The following CTDP1 variants were observed in gnomAD, a reference collection of about 807,000 sequenced individuals.
CTDP1 encodes the protein RNA polymerase II subunit A C-terminal domain phosphatase.
CTDP1 carries 47 observed loss-of-function variants against 91.8 expected under a neutral mutation model. The ratio of observed to expected loss-of-function variants is 0.51; its 90% CI spans 0.41 to 0.65. The LOEUF (loss-of-function observed/expected upper bound fraction) is 0.65. Ranked by LOEUF, CTDP1 falls within the 30% of genes least tolerant of loss-of-function variation. CTDP1 has a pLI of 0.00. For synonymous variants in CTDP1, 656 were observed against 598.5 expected (o/e 1.10, Z -1.40); for missense variants, 1,272 against 1,373.7 (o/e 0.93, Z 1.17).
chr18:79,686,984 G>C (rs2085510267), intron 1 of CTDP1, among the ~76,000 whole-genome samples: 1 of 138,816 alleles, frequency 7.2e-6, no homozygotes, highest in Non-Finnish European at 1.6e-5. Flanking sequence ...CAGTTCACTG[G>C]TGGGCCTGCA....
At chr18:79,751,973 AG>A (rs1480401200) in intron 12 of CTDP1, among the ~76,000 whole-genome samples, 4 of 152,258 alleles carry the variant, frequency 2.6e-5, no homozygotes, top group African/African-American at 4.8e-5. Flanking sequence ...AAATCAAAAC[AG>A]GCTGTGCACA....
At chr18:79,740,494 G>C (rs2086754386) in intron 12 of CTDP1, among the ~76,000 whole-genome samples, 2 of 152,214 alleles carry the variant, frequency 1.3e-5, no homozygotes, top group African/African-American at 4.8e-5. Flanking sequence ...ATTTTTGCTT[G>C]TAACGAAGTA....
chr18:79,705,762 C>G (rs1449863168), intron 5 of CTDP1, among the ~76,000 whole-genome samples: 1 of 152,212 alleles, frequency 6.6e-6, no homozygotes, highest in Non-Finnish European at 1.5e-5. Flanking sequence ...CTAGATTGGT[C>G]TTAGTCTTTT....
chr18:79,733,099 T>C (rs1276042293), intron 11 of CTDP1, among the ~76,000 whole-genome samples: 1 of 152,190 alleles, frequency 6.6e-6, no homozygotes, highest in Non-Finnish European at 1.5e-5. Context: ...TAGCACTCAG[T>C]CCTCGTGCTG....
chr18:79,721,752 CA>C (rs954700834), intron 10 of CTDP1, among the ~76,000 whole-genome samples: 5 of 150,694 alleles, frequency 3.3e-5, no homozygotes, highest in Admixed American at 6.6e-5. Flanking sequence ...GAGCCTGTCT[CA>C]AAAAAAAATT....
Position 79,717,582 on chromosome 18 carries a change from G to C in CTDP1, c.2116G>C (p.Val706Leu). The change falls in exon 9 of 13, where the codon GTC becomes CTC. Residue 706 changes from valine (V) to leucine (L), a missense_variant. Physicochemically the swap from Val to Leu is conservative, Grantham distance 32. This residue lies in a region of CTDP1 where 881 missense variants were observed against 911.6 expected (regional missense o/e 0.97). Coordinates refer to ENST00000613122, the MANE Select transcript of CTDP1 (RefSeq NM_004715.5). ...QAQECGHLHVVNPDWLWSCLE... is the reference protein window; with the variant it reads ...QAQECGHLHVLNPDWLWSCLE... ...ACAGGAGTGCGGACACCTGCACGTG[G>C]TCAACCCTGACTGGCTGTGGAGCTG... 1.2e-6 allele frequency: 2 copies of C among 1,613,912 alleles called. No individual in the cohort carries two copies. The highest frequency in any genetic ancestry group is 1.7e-6 in the Non-Finnish European group (2 of 1,179,954).
intron 11 of CTDP1, among the ~76,000 whole-genome samples, chr18:79,733,251 G>C (rs1045126407): frequency 6.6e-6 from 1 of 152,272 alleles, no homozygotes; most frequent in East Asian, 1.9e-4. Context: ...GGCGTGTGTG[G>C]ATCCTCGCGC....
chr18:79,751,653 T>C lies in CTDP1; in HGVS notation c.2748-1999T>C, dbSNP rs150586039. 7.3e-3 allele frequency among the ~76,000 whole-genome samples: 1,119 copies of C among 152,312 alleles called. 11 individuals carry two copies. The highest frequency in any genetic ancestry group is 0.025 in the African/African-American group (1,046 of 41,558). On this transcript the variant is annotated intron_variant, in intron 12 of 12. Coordinates refer to ENST00000613122, the MANE Select transcript of CTDP1 (RefSeq NM_004715.5). Reference sequence around the variant, plus strand: ...TTCAAGTTATTTCTGCGCTATAGTTTGTGTATATTAGCCTCGAGTGCATGT... The same window carrying C: ...TTCAAGTTATTTCTGCGCTATAGTTCGTGTATATTAGCCTCGAGTGCATGT...
At chr18:79,708,053 C>A (rs1403984602) in intron 5 of CTDP1, among the ~76,000 whole-genome samples, 1 of 152,200 alleles carries the variant, frequency 6.6e-6, no homozygotes, top group African/African-American at 2.4e-5. Flanking sequence ...GCATTTATTT[C>A]TCCTTTAAGC....
intron 4 of CTDP1, among the ~76,000 whole-genome samples, 176 bp from the exon 5 acceptor site, chr18:79,704,591 G>A (rs560923342): frequency 9.9e-5 from 15 of 151,440 alleles, no homozygotes; most frequent in Admixed American, 2.0e-4. Context: ...TCTTCAGGAC[G>A]CCTGTCTCAG....
At chr18:79,695,847 A>G (rs983812161) in intron 2 of CTDP1, 130 bp from the exon 3 acceptor site, 8 of 784,002 alleles carry the variant, frequency 1.0e-5, no homozygotes, top group African/African-American at 1.7e-5. Context: ...TGCCGACAGA[A>G]TCAAGTCTGT....
rs542907664 is a variant in CTDP1, at chr18:79,715,534, T to C, written c.2068+6T>C. 3 of 1,545,454 alleles carry C rather than the reference T, an allele frequency of 1.9e-6. No individual in the cohort carries two copies. The East Asian group carries it at 7.2e-5, about 37-fold the overall frequency. ...CCTGATCGCCGCGCGAGCTGGTGAG[T>C]GCTGCCTCCCTGTGCCCTGGGCATG... On this transcript the variant is annotated splice_donor_region_variant and intron_variant, in intron 8 of 12. Transcript: ENST00000613122.
In CTDP1 at chr18:79,714,651, C is replaced by T. The variant is rs1374647448; in HGVS notation, c.1191C>T (p.Arg397=). Residue 397 remains arginine (R), a synonymous_variant, in exon 8 of 13, where the codon CGC becomes CGT. Transcript: ENST00000613122. ...SEAATPRDSP[R]PGKPDERDIW... The stretch of plus-strand genomic sequence containing the variant: ...CCGCCACCCCGCGGGACTCACCCCG[C>T]CCCGGGAAGCCAGACGAGAGGGACA... 1 of 1,612,014 alleles carries T rather than the reference C, an allele frequency of 6.2e-7. No homozygotes were observed. Among genetic ancestry groups the T allele is most frequent in the East Asian group, 2.2e-5 (1 of 44,864 alleles).
chr18:79,712,272 A>G (rs1013805363), intron 6 of CTDP1, among the ~76,000 whole-genome samples: 1 of 151,990 alleles, frequency 6.6e-6, no homozygotes, highest in Non-Finnish European at 1.5e-5. Flanking sequence ...CTGCATCAGC[A>G]CTGGGTCTGG....
At chr18:79,688,426 A>G (rs994869056) in intron 1 of CTDP1, among the ~76,000 whole-genome samples, 10 of 152,304 alleles carry the variant, frequency 6.6e-5, no homozygotes, top group Admixed American at 5.2e-4. Context: ...CACCATGCCC[A>G]GCTAATTATT....
At chr18:79,731,066 C>T (rs1016880341) in intron 11 of CTDP1, among the ~76,000 whole-genome samples, 7 of 146,848 alleles carry the variant, frequency 4.8e-5, no homozygotes, top group Non-Finnish European at 9.3e-5. Flanking sequence ...ATTGCCTGCA[C>T]CCCCCCGTGG....
chr18:79,677,726 T>C (rs778062281), upstream of CTDP1: 29 of 152,350 alleles, frequency 1.9e-4, no homozygotes, highest in Non-Finnish European at 3.7e-4. Flanking sequence ...GTCCTTACAG[T>C]GTGAACCAGG....
intron 12 of CTDP1, among the ~76,000 whole-genome samples, chr18:79,743,706 G>A (rs574267988): frequency 2.6e-5 from 4 of 152,334 alleles, no homozygotes; most frequent in East Asian, 3.9e-4. Context: ...CCATGTCTCC[G>A]TATCGAATTG....
intron 11 of CTDP1, 114 bp downstream of exon 11, chr18:79,729,183 C>CACTTGTGTAGTTGTGTCTGGTTTG: frequency 1.5e-6 from 2 of 1,336,410 alleles, no homozygotes; most frequent in Admixed American, 3.4e-5. Flanking sequence ...TAGAGTCCTG[C>CACTTGTGTAGTTGTGTCTGGTTTG]ACTTGTGTAG....
Sources: allele counts gnomAD v4.1 joint callset (sites outside exome capture counted in the v4.1 genomes callset), GRCh38; gene constraint gnomAD v4.1.1; regional missense constraint gnomAD v4.1.1; transcripts MANE v1.5; gene names NCBI Gene and HGNC (gene_info 2026-07-23, HGNC 2026-07-21).